The following NDUFA8 variants were observed in gnomAD, a reference collection of about 807,000 sequenced individuals.
NDUFA8 encodes NADH dehydrogenase [ubiquinone] 1 alpha subcomplex subunit 8.
In NDUFA8, 16 loss-of-function variants were observed where a neutral mutation model predicts 20.9. The observed-to-expected ratio is 0.77, with a 90% CI of 0.52 to 1.16. NDUFA8 has a LOEUF of 1.16. Among genes scored for constraint, NDUFA8 ranks in the 50% most tolerant of loss-of-function variants. The pLI is 0.00. For synonymous variants in NDUFA8, 70 were observed against 76.1 expected, an observed-to-expected ratio of 0.92 and a Z score of 0.41; for missense variants, 202 against 216.4, an observed-to-expected ratio of 0.93 and a Z score of 0.42.
chr9:122,150,189 A>G (rs1230168371), intron 2 of NDUFA8, among the ~76,000 whole-genome samples: 2 of 151,994 alleles, frequency 1.3e-5, no homozygotes, highest in East Asian at 3.9e-4. Flanking sequence ...TTGGGAGGCC[A>G]AGGCAGGTGG....
At chr9:122,135,565 G>T in the NDUFA8 span, among the ~76,000 whole-genome samples, 1 of 152,196 alleles carries the variant, frequency 6.6e-6, no homozygotes, top group Non-Finnish European at 1.5e-5. Context: ...AAGAGCCCGG[G>T]TTCTGCAGCC....
At chr9:122,134,743 G>C in the NDUFA8 span, among the ~76,000 whole-genome samples, 1 of 152,016 alleles carries the variant, frequency 6.6e-6, no homozygotes, top group Non-Finnish European at 1.5e-5. Context: ...CCGATCTTTG[G>C]GCCTCCGTTT....
chr9:122,148,686 A>G (rs1032590601), intron 2 of NDUFA8, among the ~76,000 whole-genome samples: 1 of 152,118 alleles, frequency 6.6e-6, no homozygotes, highest in African/African-American at 2.4e-5. Flanking sequence ...GTGACAGACA[A>G]TGGCAAAGGA....
At chr9:122,158,989 CT>C (rs879925756) in intron 1 of NDUFA8, among the ~76,000 whole-genome samples, 49 of 152,194 alleles carry the variant, frequency 3.2e-4, no homozygotes, top group Non-Finnish European at 5.9e-4. Flanking sequence ...GTGACTGCCT[CT>C]TTATGTGTCT....
the NDUFA8 span, among the ~76,000 whole-genome samples, chr9:122,134,791 G>A: frequency 2.0e-5 from 3 of 152,132 alleles, no homozygotes; most frequent in African/African-American, 4.8e-5. Context: ...TGGTTCTCTG[G>A]GGGTCTCACA....
intron 2 of NDUFA8, among the ~76,000 whole-genome samples, chr9:122,150,002 A>G (rs928165491): frequency 1.3e-5 from 2 of 152,140 alleles, no homozygotes; most frequent in African/African-American, 4.8e-5. Flanking sequence ...CACAGACTCA[A>G]TCTCGCTGGC....
chr9:122,147,204 C>T (rs1463246467), intron 3 of NDUFA8, among the ~76,000 whole-genome samples: 1 of 151,672 alleles, frequency 6.6e-6, no homozygotes, highest in Non-Finnish European at 1.5e-5. Flanking sequence ...GAACTCCTGT[C>T]CAAGAATAAG....
intron 1 of NDUFA8, among the ~76,000 whole-genome samples, chr9:122,157,871 C>T (rs1238040650): frequency 3.3e-5 from 5 of 152,150 alleles, no homozygotes; most frequent in African/African-American, 7.2e-5. Flanking sequence ...ACTTAACATA[C>T]GGCCAGGCGC....
At chr9:122,135,137 C>G in the NDUFA8 span, among the ~76,000 whole-genome samples, 1 of 152,226 alleles carries the variant, frequency 6.6e-6, no homozygotes, top group Admixed American at 6.5e-5. Context: ...CTGCCAGCCC[C>G]TCCCTCTTGC....
chr9:122,158,809 G>GTA (rs58786810), intron 1 of NDUFA8, among the ~76,000 whole-genome samples: 18,361 of 147,980 alleles, frequency 0.12, 3,788 homozygotes, highest in African/African-American at 0.43. Context: ...GTATGTGTGT[G>GTA]TATATATATA....
chr9:122,138,836 T>G, the NDUFA8 span, among the ~76,000 whole-genome samples: 1 of 113,740 alleles, frequency 8.8e-6, no homozygotes, highest in African/African-American at 3.4e-5. Context: ...GTGAGCTGAA[T>G]CTCCAAGAAA....
rs747358940 is a variant in NDUFA8, at chr9:122,148,143, C to T, written c.350G>A (p.Trp117Ter). Residue 117 changes from tryptophan (W) to a stop codon, truncating the protein, a stop_gained, in exon 3 of 4, where the codon TGG becomes TAG. Coordinates refer to ENST00000373768, the MANE Select transcript of NDUFA8 (RefSeq NM_014222.3). LOFTEE classifies it high-confidence loss of function. ...FDECVLDKLG[W>*]VRPDLGELSK... ...CAGTTCTCCCAGGTCAGGCCGCACC[C>T]AGCCCAGTTTGTCCAGCACACACTC... is the stretch of plus-strand genomic sequence containing the variant. The T allele has an allele frequency of 1.9e-6, 3 of 1,614,164 alleles. No homozygotes were observed. The highest frequency in any genetic ancestry group is 2.5e-6 in the Non-Finnish European group (3 of 1,180,038).
chr9:122,155,156 G>A (rs1282766039), intron 1 of NDUFA8, among the ~76,000 whole-genome samples: 4 of 152,174 alleles, frequency 2.6e-5, no homozygotes, highest in East Asian at 1.9e-4. Flanking sequence ...TCGGCTCACC[G>A]CAACCTCTGC....
At chr9:122,146,318 T>C (rs1828904353) in intron 3 of NDUFA8, among the ~76,000 whole-genome samples, 1 of 151,794 alleles carries the variant, frequency 6.6e-6, no homozygotes, top group Non-Finnish European at 1.5e-5. Context: ...TCTCACAGAG[T>C]TTTAAAAAAT....
the NDUFA8 span, chr9:122,132,924 T>C: frequency 2.2e-6 from 1 of 455,994 alleles, no homozygotes; most frequent in Non-Finnish European, 4.4e-6. Flanking sequence ...TTCACCATGA[T>C]GCTGCAGTGT....
intron 1 of NDUFA8, 144 bp from the exon 2 acceptor site, chr9:122,152,552 A>C: frequency 1.4e-6 from 1 of 691,190 alleles, no homozygotes; most frequent in Non-Finnish European, 2.2e-6. Flanking sequence ...TGTCATAATA[A>C]TAATTTTTTT....
At chr9:122,148,514 G>C (rs1828941730) in intron 2 of NDUFA8, among the ~76,000 whole-genome samples, 1 of 152,174 alleles carries the variant, frequency 6.6e-6, no homozygotes, top group Admixed American at 6.5e-5. Flanking sequence ...AAGAAGAAAA[G>C]AGTGTAGCCT....
Position 122,159,762 on chromosome 9 carries a change from C to T in NDUFA8, c.-85G>A, listed in dbSNP as rs556033118. 6.3e-7 allele frequency: 1 copy of T among 1,595,060 alleles called. No individual in the cohort carries two copies. Among genetic ancestry groups the T allele is most frequent in the East Asian group, 2.2e-5 (1 of 44,786 alleles). ...AACTCCCCTTTCGACCGCCGAGTGC[C>T]ACACGGCGCCTGCGCATGCGCATCC... On this transcript the variant is annotated 5_prime_UTR_variant, in exon 1 of 4. Transcript: ENST00000373768.
At chr9:122,139,232 C>A (rs1422050312), downstream of NDUFA8, among the ~76,000 whole-genome samples, 4 of 152,192 alleles carry the variant, frequency 2.6e-5, no homozygotes, top group Non-Finnish European at 5.9e-5. Flanking sequence ...TTCCTGCAGA[C>A]TGGGACACTC....
Sources: allele counts gnomAD v4.1 joint callset (sites outside exome capture counted in the v4.1 genomes callset), GRCh38; gene constraint gnomAD v4.1.1; transcripts MANE v1.5; gene names NCBI Gene and HGNC (gene_info 2026-07-23, HGNC 2026-07-21).